PDE11A: variants seen among roughly 807,000 people sequenced by gnomAD.
PDE11A encodes the protein dual 3',5'-cyclic-AMP and -GMP phosphodiesterase 11A.
PDE11A carries 100 observed loss-of-function variants against 100.5 expected under a neutral mutation model. The observed-to-expected ratio is 1.00, with a 90% confidence interval of 0.85 to 1.18. The LOEUF is 1.18. Ranked by LOEUF, PDE11A falls within the 50% of genes most tolerant of loss-of-function variation. PDE11A has a pLI of 0.00. For synonymous variants in PDE11A, 381 were observed against 420.8 expected (o/e 0.91, Z 1.16); for missense variants, 1,141 against 1,152.6 (o/e 0.99, Z 0.15).
chr2:177,709,833 A>T (rs1400053820), intron 13 of PDE11A, among the ~76,000 whole-genome samples: 1 of 152,142 alleles, frequency 6.6e-6, no homozygotes, highest in Non-Finnish European at 1.5e-5. Flanking sequence ...AAGGACAACG[A>T]AAAGGTCCGA....
chr2:177,690,384 G>A (rs774223600), intron 15 of PDE11A, among the ~76,000 whole-genome samples: 3 of 152,166 alleles, frequency 2.0e-5, no homozygotes, highest in Non-Finnish European at 2.9e-5. Flanking sequence ...TTGGTTGAGC[G>A]CAGGCAACTG....
At chr2:178,044,025 C>T (rs367819774) in intron 1 of PDE11A, among the ~76,000 whole-genome samples, 1 of 152,124 alleles carries the variant, frequency 6.6e-6, no homozygotes. Context: ...TATGTTCAGC[C>T]TAATGTACTA....
At chr2:177,810,991 T>G (rs2082941137) in intron 9 of PDE11A, among the ~76,000 whole-genome samples, 2 of 152,158 alleles carry the variant, frequency 1.3e-5, no homozygotes, top group African/African-American at 4.8e-5. Flanking sequence ...CTTCTGATCC[T>G]AAAGCTGTAT....
intron 9 of PDE11A, among the ~76,000 whole-genome samples, chr2:177,787,666 T>C (rs1201247824): frequency 6.8e-6 from 1 of 146,990 alleles, no homozygotes; most frequent in Non-Finnish European, 1.5e-5. Flanking sequence ...GAGACACACA[T>C]AGGCTCAAAA....
At chr2:178,068,408 G>A (rs538184620) in intron 1 of PDE11A, among the ~76,000 whole-genome samples, 3 of 151,738 alleles carry the variant, frequency 2.0e-5, no homozygotes, top group Admixed American at 1.3e-4. Context: ...AGAATGCCAC[G>A]CTTATCATCA....
At chr2:177,823,675 T>C (rs2083180976) in intron 6 of PDE11A, among the ~76,000 whole-genome samples, 1 of 152,100 alleles carries the variant, frequency 6.6e-6, no homozygotes, top group African/African-American at 2.4e-5. Context: ...TTCCCCTCCC[T>C]AAGGATAAAA....
At chr2:177,789,708 A>T (rs953948403) in intron 9 of PDE11A, among the ~76,000 whole-genome samples, 1 of 152,212 alleles carries the variant, frequency 6.6e-6, no homozygotes, top group African/African-American at 2.4e-5. Context: ...ATACAAAATC[A>T]ATGTACAAAA....
In PDE11A at chr2:177,697,374, A is replaced by G; in HGVS notation, c.2303T>C (p.Leu768Ser). 6.2e-7 allele frequency: 1 copy of G among 1,602,802 alleles called. No individual in the cohort carries two copies. Residue 768 changes from leucine (L) to serine (S), a missense_variant, in exon 15 of 20, where the codon TTG becomes TCG. Coordinates refer to ENST00000286063, the MANE Select transcript of PDE11A (RefSeq NM_016953.4). The stretch of plus-strand genomic sequence containing the variant: ...GTCTGTTGCCAATATTGACTGCTTC[A>G]AAAGCTGCATAAGGTCACTATATTC... Reference protein sequence around the residue: ...SKEYSDLMQLLKQSILATDLT... With the variant: ...SKEYSDLMQLSKQSILATDLT...
At chr2:177,848,931 A>T (rs2083650540) in intron 5 of PDE11A, among the ~76,000 whole-genome samples, 1 of 152,256 alleles carries the variant, frequency 6.6e-6, no homozygotes, top group African/African-American at 2.4e-5. Flanking sequence ...AAGAGTCTCC[A>T]CATTAGAAGA....
rs139376856 is a variant in PDE11A at position 178,026,405 on chromosome 2, T to C, written c.913-11945A>G. ...GACCGGGCGCTGTGGCCAACACCTG[T>C]AATCCCAGCACTTTGGGAGGCCAAG... On this transcript the variant is annotated intron_variant, in intron 1 of 19. Coordinates refer to ENST00000286063, the MANE Select transcript of PDE11A (RefSeq NM_016953.4). 2.0e-5 allele frequency among the ~76,000 whole-genome samples: 3 copies of C among 152,302 alleles called. No individual in the cohort carries two copies. The East Asian group carries it at 5.8e-4, about 29-fold the overall frequency.
intron 10 of PDE11A, among the ~76,000 whole-genome samples, chr2:177,756,712 C>T (rs748440708): frequency 3.3e-5 from 5 of 152,146 alleles, no homozygotes; most frequent in Non-Finnish European, 7.4e-5. Flanking sequence ...TGAAATTTGC[C>T]CTTTGGAGAA....
intron 1 of PDE11A, among the ~76,000 whole-genome samples, chr2:178,041,936 C>T (rs895046899): frequency 1.5e-4 from 23 of 152,176 alleles, no homozygotes; most frequent in Non-Finnish European, 5.9e-5. Context: ...TAATCATATG[C>T]CCCAAAGTTT....
At chr2:177,710,590 T>C (rs888219399) in intron 13 of PDE11A, among the ~76,000 whole-genome samples, 4 of 152,206 alleles carry the variant, frequency 2.6e-5, no homozygotes, top group African/African-American at 7.2e-5. Context: ...AGAGACTGAA[T>C]TGTTAGACTG....
chr2:178,048,591 T>C (rs2086782817), intron 1 of PDE11A, among the ~76,000 whole-genome samples: 2 of 152,104 alleles, frequency 1.3e-5, no homozygotes, highest in South Asian at 4.1e-4. Flanking sequence ...CTCCCTTTAA[T>C]CCTTGGGAGT....
At chr2:178,071,125 T>C (rs2087121451) in intron 1 of PDE11A, among the ~76,000 whole-genome samples, 1 of 152,190 alleles carries the variant, frequency 6.6e-6, no homozygotes, top group African/African-American at 2.4e-5. Context: ...GACACCAAAA[T>C]GCTCATCTTA....
intron 17 of PDE11A, 32 bp from the exon 18 acceptor site, chr2:177,669,599 A>T: frequency 1.1e-6 from 1 of 930,318 alleles, no homozygotes; most frequent in East Asian, 2.4e-5. Flanking sequence ...ATCTGTGATT[A>T]TGTGTAGTTT....
intron 10 of PDE11A, among the ~76,000 whole-genome samples, chr2:177,748,771 ATC>A (rs2081987601): frequency 6.6e-6 from 1 of 152,146 alleles, no homozygotes; most frequent in South Asian, 2.1e-4. Flanking sequence ...AATATTTCTG[ATC>A]GGACCATAAA....
intron 2 of PDE11A, among the ~76,000 whole-genome samples, chr2:177,945,856 G>C (rs1160371577): frequency 2.7e-5 from 3 of 111,060 alleles, no homozygotes; most frequent in Admixed American, 1.0e-4. Flanking sequence ...CTGGCCAGCC[G>C]TGCCGTCCGG....
chr2:177,735,455 A>G (rs1438037), intron 10 of PDE11A, among the ~76,000 whole-genome samples: 104,112 of 151,582 alleles, frequency 0.69, 38,081 homozygotes, highest in East Asian at 0.86. Context: ...AACAACAGGA[A>G]TGAGCGTATG....
Sources: allele counts gnomAD v4.1 joint callset (sites outside exome capture counted in the v4.1 genomes callset), GRCh38; gene constraint gnomAD v4.1.1; transcripts MANE v1.5; gene names NCBI Gene and HGNC (gene_info 2026-07-23, HGNC 2026-07-21).